Variants in MYO5B observed in about 807,000 individuals in gnomAD.
MYO5B encodes the protein unconventional myosin-Vb.
Under a neutral mutation model 229.3 loss-of-function variants are expected in MYO5B, and 143 were observed. That is an observed-to-expected ratio of 0.62 (90% CI 0.54 to 0.72). The LOEUF is 0.72. Ranked by LOEUF, MYO5B falls within the 30% of genes least tolerant of loss-of-function variation. MYO5B has a pLI of 0.00. For missense variants in MYO5B, 2,321 were observed against 2,331.0 expected, an observed-to-expected ratio of 1.00 and a Z score of 0.09; for synonymous variants, 918 against 885.2, an observed-to-expected ratio of 1.04 and a Z score of -0.66.
intron 5 of MYO5B, among the ~76,000 whole-genome samples, chr18:50,000,551 G>A (rs1250243642): frequency 6.6e-6 from 1 of 152,126 alleles, no homozygotes; most frequent in Non-Finnish European, 1.5e-5. Context: ...AGAAAAGGGG[G>A]AAAAAGAGAC....
intron 17 of MYO5B, among the ~76,000 whole-genome samples, chr18:49,925,923 T>C (rs901736666): frequency 2.0e-5 from 3 of 152,210 alleles, no homozygotes; most frequent in Non-Finnish European, 2.9e-5. Context: ...AAAAGGCCAA[T>C]GTAGGAGACT....
chr18:50,150,830 T>C (rs1599059693), intron 1 of MYO5B, among the ~76,000 whole-genome samples: 2 of 151,668 alleles, frequency 1.3e-5, no homozygotes, highest in South Asian at 4.2e-4. Context: ...ACTTAAAGTA[T>C]AATAATAAAA....
chr18:49,915,778 G>A (rs1161594157), intron 17 of MYO5B, among the ~76,000 whole-genome samples: 2 of 152,224 alleles, frequency 1.3e-5, no homozygotes, highest in Admixed American at 6.5e-5. Flanking sequence ...GAACCCTGGG[G>A]AAGAGAGAGC....
intron 1 of MYO5B, among the ~76,000 whole-genome samples, chr18:50,183,040 T>C (rs770448698): frequency 6.6e-6 from 1 of 152,070 alleles, no homozygotes; most frequent in Non-Finnish European, 1.5e-5. Flanking sequence ...AAACAGTGAA[T>C]CTAAAAACTA....
At chr18:50,021,959 C>A (rs901041663) in intron 4 of MYO5B, among the ~76,000 whole-genome samples, 1 of 152,122 alleles carries the variant, frequency 6.6e-6, no homozygotes, top group African/African-American at 2.4e-5. Flanking sequence ...CAGGTCAACA[C>A]CTGTTTTACC....
At chr18:50,009,382 C>T (rs1021138160) in intron 4 of MYO5B, among the ~76,000 whole-genome samples, 3 of 151,962 alleles carry the variant, frequency 2.0e-5, no homozygotes, top group African/African-American at 7.2e-5. Flanking sequence ...TCTCAATCAA[C>T]AACAACAACA....
intron 1 of MYO5B, among the ~76,000 whole-genome samples, chr18:50,081,022 GC>G (rs1311895618): frequency 6.6e-6 from 1 of 152,134 alleles, no homozygotes; most frequent in Non-Finnish European, 1.5e-5. Flanking sequence ...ATATTTTCAT[GC>G]CGCTAGTAGC....
At chr18:49,896,868 T>A (rs2024784802) in intron 21 of MYO5B, among the ~76,000 whole-genome samples, 1 of 152,180 alleles carries the variant, frequency 6.6e-6, no homozygotes, top group South Asian at 2.1e-4. Flanking sequence ...ATCAGCTGTG[T>A]ACATCCAACC....
At chr18:49,963,807 T>C (rs1298196003) in intron 10 of MYO5B, among the ~76,000 whole-genome samples, 3 of 152,208 alleles carry the variant, frequency 2.0e-5, no homozygotes, top group Admixed American at 2.0e-4. Flanking sequence ...AGTTTTAACA[T>C]CTGTCTCATC....
intron 1 of MYO5B, among the ~76,000 whole-genome samples, chr18:50,136,222 C>T (rs1416950330): frequency 1.3e-5 from 2 of 152,244 alleles, no homozygotes. Flanking sequence ...AGAAGCCTTC[C>T]TGTGGTCTTG....
chr18:49,963,116 C>T, intron 10 of MYO5B, 86 bp from the exon 11 acceptor site: 1 of 1,040,614 alleles, frequency 9.6e-7, no homozygotes, highest in South Asian at 1.3e-5. Context: ...TGACCCAGGT[C>T]TCCCCCGATG....
chr18:50,088,401 C>T (rs2031377378), intron 1 of MYO5B, among the ~76,000 whole-genome samples: 1 of 152,168 alleles, frequency 6.6e-6, no homozygotes, highest in African/African-American at 2.4e-5. Flanking sequence ...TGATTTATTA[C>T]CACCCTAGAC....
intron 1 of MYO5B, among the ~76,000 whole-genome samples, chr18:50,133,473 C>A (rs975176145): frequency 2.6e-5 from 4 of 152,050 alleles, no homozygotes; most frequent in African/African-American, 9.7e-5. Flanking sequence ...AGAAACATGA[C>A]CCAGAAGGAA....
At chr18:50,098,616 G>T (rs1178777890) in intron 1 of MYO5B, 1 of 152,228 alleles carries the variant, frequency 6.6e-6, no homozygotes, top group South Asian at 2.1e-4. Context: ...ACTGGGAAAG[G>T]CTTGCAGAGA....
intron 12 of MYO5B, among the ~76,000 whole-genome samples, chr18:49,960,865 C>T (rs192862841): frequency 3.3e-5 from 5 of 152,194 alleles, no homozygotes; most frequent in African/African-American, 7.2e-5. Context: ...GAACTGTATA[C>T]GACCTTCACC....
chr18:50,107,663 C>G (rs116929710), intron 1 of MYO5B, among the ~76,000 whole-genome samples: 1 of 152,186 alleles, frequency 6.6e-6, no homozygotes, highest in African/African-American at 2.4e-5. Context: ...GGTTTTCATG[C>G]CACACAGCAC....
chr18:50,043,888 T>C (rs927122263), intron 2 of MYO5B, among the ~76,000 whole-genome samples: 1 of 151,648 alleles, frequency 6.6e-6, no homozygotes, highest in Non-Finnish European at 1.5e-5. Context: ...TTTGGGGACT[T>C]AGGGGAAAAG....
chr18:49,835,224 C>G, intron 39 of MYO5B, 120 bp downstream of exon 39: 1 of 741,282 alleles, frequency 1.3e-6, no homozygotes. Context: ...AATGTAAGGT[C>G]TCCCAGCATA....
chr18:49,892,727 C>T (rs1447394624), intron 22 of MYO5B, among the ~76,000 whole-genome samples: 2 of 152,216 alleles, frequency 1.3e-5, no homozygotes, highest in African/African-American at 2.4e-5. Flanking sequence ...CCAACCACCA[C>T]AACAAAAAGA....
Sources: gnomAD v4.1 joint callset for allele counts (sites outside exome capture counted in the v4.1 genomes callset) on GRCh38, gnomAD v4.1.1 for gene constraint, MANE v1.5 for transcripts, NCBI Gene and HGNC (gene_info 2026-07-23, HGNC 2026-07-21) for gene names.